The following FCHO2 variants were observed in gnomAD, a reference collection of about 807,000 sequenced individuals.
FCHO2 encodes FCH and mu domain containing endocytic adaptor 2.
FCHO2 carries 43 observed loss-of-function variants against 114.1 expected under a neutral mutation model. The ratio of observed to expected loss-of-function variants is 0.38; its 90% CI spans 0.30 to 0.49. The LOEUF is 0.49. Ranked by LOEUF, FCHO2 falls within the 20% of genes least tolerant of loss-of-function variation. The pLI is 0.97. For missense variants in FCHO2, 807 were observed against 950.4 expected, an observed-to-expected ratio of 0.85 and a Z score of 1.98; for synonymous variants, 293 against 315.2, an observed-to-expected ratio of 0.93 and a Z score of 0.75.
intron 10 of FCHO2, chr5:73,037,861 A>G (rs567129802): frequency 2.4e-4 from 80 of 333,948 alleles, no homozygotes; most frequent in Non-Finnish European, 3.6e-4. Flanking sequence ...GGTTCAAGCG[A>G]TTCTCCTCCT....
At chr5:73,027,014 G>GTTTTTTTTTTTTTTTT (rs1274762402) in intron 8 of FCHO2, among the ~76,000 whole-genome samples, 1 of 114,856 alleles carries the variant, frequency 8.7e-6, no homozygotes, top group Non-Finnish European at 1.9e-5. Context: ...TTTTTTGTTT[G>GTTTTTTTTTTTTTTTT]TTTGTTTTTT....
intron 11 of FCHO2, among the ~76,000 whole-genome samples, chr5:73,050,657 T>C (rs1029111581): frequency 6.6e-5 from 10 of 152,154 alleles, no homozygotes; most frequent in African/African-American, 2.4e-4. Context: ...GTGGTTTGTT[T>C]TATAGTTTCC....
intron 5 of FCHO2, 72 bp downstream of exon 5, chr5:72,990,936 G>A: frequency 6.9e-7 from 1 of 1,447,492 alleles, no homozygotes; most frequent in Non-Finnish European, 9.2e-7. Flanking sequence ...TTAACATTTA[G>A]ATCAAACTGA....
At chr5:73,010,576 A>T (rs913796000) in intron 6 of FCHO2, among the ~76,000 whole-genome samples, 1 of 152,032 alleles carries the variant, frequency 6.6e-6, no homozygotes, top group African/African-American at 2.4e-5. Context: ...TGTGAACATC[A>T]TAGAATGTAC....
In FCHO2 at chr5:73,034,062, A is replaced by G. The variant is rs116309199; in HGVS notation, c.797-595A>G. On this transcript the variant is annotated intron_variant, in intron 8 of 25. Coordinates refer to ENST00000430046, the MANE Select transcript of FCHO2 (RefSeq NM_138782.3). ...TGTAGTTCACATTCCTTGACCTGCT[A>G]TACAGTTAGAGAGATCTGGATTATA... Among the ~76,000 whole-genome samples the G allele has an allele frequency of 7.6e-3, 1,164 of 152,312 alleles. 13 individuals are homozygous for G. Among genetic ancestry groups the G allele is most frequent in the African/African-American group, 0.027 (1,115 of 41,552 alleles).
intron 6 of FCHO2, among the ~76,000 whole-genome samples, chr5:73,015,240 G>A (rs950427402): frequency 6.6e-6 from 1 of 151,866 alleles, no homozygotes; most frequent in African/African-American, 2.4e-5. Context: ...TGGTAACTTG[G>A]AAAATTTGGT....
chr5:73,047,188 A>AT (rs888399898), intron 11 of FCHO2, among the ~76,000 whole-genome samples: 13 of 152,078 alleles, frequency 8.5e-5, no homozygotes, highest in South Asian at 2.1e-4. Flanking sequence ...TGTGTATAAT[A>AT]TTTTTTCTGA....
chr5:73,076,859 G>T (rs1742930059), intron 20 of FCHO2, among the ~76,000 whole-genome samples: 2 of 152,162 alleles, frequency 1.3e-5, no homozygotes, highest in African/African-American at 4.8e-5. Context: ...AAGGGGTCCA[G>T]TTGAGAGTTT....
intron 6 of FCHO2, among the ~76,000 whole-genome samples, chr5:73,012,192 C>T (rs1054200892): frequency 6.6e-6 from 1 of 152,168 alleles, no homozygotes; most frequent in Non-Finnish European, 1.5e-5. Context: ...ATGCGTTGCA[C>T]TACGTTATGG....
At chr5:73,045,488 T>C (rs1354288958) in intron 11 of FCHO2, among the ~76,000 whole-genome samples, 2 of 152,234 alleles carry the variant, frequency 1.3e-5, no homozygotes, top group Non-Finnish European at 2.9e-5. Flanking sequence ...AAAGTTTGTT[T>C]AACCACTCAC....
At chr5:73,087,888 G>C (rs142636390) in intron 25 of FCHO2, 135 bp downstream of exon 25, 2 of 1,393,638 alleles carry the variant, frequency 1.4e-6, no homozygotes, top group African/African-American at 2.9e-5. Flanking sequence ...CAAGGTGCCA[G>C]GTAGAGACAC....
At chr5:73,010,898 A>G (rs1272446053) in intron 6 of FCHO2, among the ~76,000 whole-genome samples, 1 of 150,846 alleles carries the variant, frequency 6.6e-6, no homozygotes, top group Non-Finnish European at 1.5e-5. Context: ...AAAAAAAAAA[A>G]AAAAGAGAGA....
chr5:72,978,689 A>C (rs538124659), intron 2 of FCHO2, among the ~76,000 whole-genome samples: 403 of 152,114 alleles, frequency 2.6e-3, no homozygotes, highest in Non-Finnish European at 4.0e-3. Flanking sequence ...TTTGTGATGG[A>C]TTTCAAAGGG....
chr5:73,030,681 A>G (rs967201928), intron 8 of FCHO2, among the ~76,000 whole-genome samples: 1 of 152,196 alleles, frequency 6.6e-6, no homozygotes, highest in African/African-American at 2.4e-5. Flanking sequence ...TAAAAATGCA[A>G]ATATTTGAGC....
intron 8 of FCHO2, among the ~76,000 whole-genome samples, chr5:73,028,528 A>G (rs1405114598): frequency 1.1e-4 from 17 of 152,198 alleles, no homozygotes; most frequent in Admixed American, 1.1e-3. Flanking sequence ...GCAGTGAAGT[A>G]CTACTCAACA....
intron 9 of FCHO2, among the ~76,000 whole-genome samples, chr5:73,036,129 A>G (rs1239369116): frequency 1.3e-5 from 2 of 151,104 alleles, no homozygotes; most frequent in African/African-American, 4.9e-5. Flanking sequence ...TATAGGCGAG[A>G]TCCACCACAC....
intron 18 of FCHO2, among the ~76,000 whole-genome samples, chr5:73,067,628 T>G (rs1742418460): frequency 6.6e-6 from 1 of 152,058 alleles, no homozygotes; most frequent in Non-Finnish European, 1.5e-5. Context: ...TTTTGCCTTT[T>G]TTTCATGTTC....
At chr5:72,998,459 T>C (rs1754248374) in intron 5 of FCHO2, among the ~76,000 whole-genome samples, 1 of 151,416 alleles carries the variant, frequency 6.6e-6, no homozygotes, top group African/African-American at 2.4e-5. Context: ...TGCACTCCAG[T>C]CTGGGCAACA....
At chr5:72,959,712 G>A (rs574750404) in intron 1 of FCHO2, among the ~76,000 whole-genome samples, 1 of 151,842 alleles carries the variant, frequency 6.6e-6, no homozygotes, top group East Asian at 1.9e-4. Flanking sequence ...TCAAAGTGAG[G>A]TAGTGAGAAC....
Sources: gnomAD v4.1 joint callset for allele counts (sites outside exome capture counted in the v4.1 genomes callset) on GRCh38, gnomAD v4.1.1 for gene constraint, MANE v1.5 for transcripts, NCBI Gene and HGNC (gene_info 2026-07-23, HGNC 2026-07-21) for gene names.